ARHGAP18: variants seen among roughly 807,000 people sequenced by gnomAD.
The protein encoded by ARHGAP18 is rho GTPase-activating protein 18.
Under a neutral mutation model 86.2 loss-of-function variants are expected in ARHGAP18, and 67 were observed. The ratio of observed to expected loss-of-function variants is 0.78; its 90% CI spans 0.64 to 0.95. The LOEUF (loss-of-function observed/expected upper bound fraction) is 0.95. ARHGAP18 is among the 40% of genes least tolerant of loss of function. The pLI, the probability that ARHGAP18 is intolerant of heterozygous loss-of-function variation, is 0.00. For missense variants in ARHGAP18, 691 were observed against 780.4 expected (o/e 0.89, Z 1.37); for synonymous variants, 283 against 280.4 (o/e 1.01, Z -0.09).
At chr6:129,657,625 A>G (rs760243951) in intron 1 of ARHGAP18, among the ~76,000 whole-genome samples, 2 of 152,178 alleles carry the variant, frequency 1.3e-5, no homozygotes, top group African/African-American at 4.8e-5. Flanking sequence ...TCTCTGCAGA[A>G]GGAATTCATT....
chr6:129,608,885 CACA>C (rs2114458331), intron 8 of ARHGAP18, among the ~76,000 whole-genome samples: 1 of 152,030 alleles, frequency 6.6e-6, no homozygotes, highest in East Asian at 1.9e-4. Flanking sequence ...CTCTTCCTAA[CACA>C]ACAACCATTC....
chr6:129,611,720 T>A (rs965808018), intron 7 of ARHGAP18, 110 bp from the exon 8 acceptor site: 45 of 836,424 alleles, frequency 5.4e-5, no homozygotes, highest in Non-Finnish European at 7.7e-5. Context: ...ACATGTAAAC[T>A]GGATTTTATG....
At chr6:129,651,694 A>G (rs1205847630) in intron 1 of ARHGAP18, among the ~76,000 whole-genome samples, 5 of 152,188 alleles carry the variant, frequency 3.3e-5, no homozygotes, top group South Asian at 4.2e-4. Context: ...TTCCTTCTTC[A>G]GTAAGAATTT....
chr6:129,655,092 G>A (rs1271903663), intron 1 of ARHGAP18, among the ~76,000 whole-genome samples: 2 of 152,090 alleles, frequency 1.3e-5, no homozygotes, highest in Non-Finnish European at 2.9e-5. Flanking sequence ...AGGCCAAGGC[G>A]GGCAGATCAC....
At chr6:129,611,834 A>T (rs1307710467) in intron 7 of ARHGAP18, among the ~76,000 whole-genome samples, 2 of 152,236 alleles carry the variant, frequency 1.3e-5, no homozygotes, top group Admixed American at 6.5e-5. Context: ...TTTATAACAG[A>T]AGTGTGTAAT....
chr6:129,682,200 T>C (rs1419045333), intron 1 of ARHGAP18, among the ~76,000 whole-genome samples: 6 of 152,188 alleles, frequency 3.9e-5, no homozygotes, highest in African/African-American at 1.4e-4. Context: ...ACCCCCGGTT[T>C]TGGCTAAACC....
intron 6 of ARHGAP18, among the ~76,000 whole-genome samples, chr6:129,618,050 C>G (rs565268512): frequency 3.3e-4 from 48 of 147,614 alleles, no homozygotes; most frequent in African/African-American, 1.2e-3. Context: ...TATCTGTTCT[C>G]TATTATATCA....
chr6:129,594,895 A>G (rs1203952246), intron 12 of ARHGAP18, among the ~76,000 whole-genome samples: 3 of 152,182 alleles, frequency 2.0e-5, no homozygotes, highest in Non-Finnish European at 4.4e-5. Flanking sequence ...TCATTGTATT[A>G]CCACCCATAA....
chr6:129,582,061 G>A (rs1788300190), intron 13 of ARHGAP18, among the ~76,000 whole-genome samples: 1 of 152,002 alleles, frequency 6.6e-6, no homozygotes, highest in African/African-American at 2.4e-5. Flanking sequence ...CAAGCATAAG[G>A]AAAGGGGCTG....
intron 8 of ARHGAP18, among the ~76,000 whole-genome samples, chr6:129,610,815 G>C (rs540354317): frequency 3.4e-4 from 52 of 152,230 alleles, no homozygotes; most frequent in African/African-American, 1.3e-3. Flanking sequence ...TTTTAGTAGA[G>C]ACAGTGTTTC....
At chr6:129,586,946 T>G (rs971894420) in intron 12 of ARHGAP18, among the ~76,000 whole-genome samples, 1 of 151,968 alleles carries the variant, frequency 6.6e-6, no homozygotes, top group Non-Finnish European at 1.5e-5. Flanking sequence ...CTCCACAGAG[T>G]CAAAAGGAAT....
At chr6:129,704,656 G>A (rs990033469) in intron 1 of ARHGAP18, among the ~76,000 whole-genome samples, 11 of 151,944 alleles carry the variant, frequency 7.2e-5, no homozygotes, top group African/African-American at 2.2e-4. Context: ...TGCTCACCCC[G>A]TTCATTACTA....
intron 4 of ARHGAP18, among the ~76,000 whole-genome samples, chr6:129,633,821 T>C (rs1327783730): frequency 2.0e-5 from 3 of 152,168 alleles, no homozygotes; most frequent in South Asian, 2.1e-4. Flanking sequence ...CTCAGGAAGA[T>C]ACGTATACGC....
intron 5 of ARHGAP18, among the ~76,000 whole-genome samples, chr6:129,622,161 G>A (rs1789242843): frequency 6.6e-6 from 1 of 152,144 alleles, no homozygotes; most frequent in South Asian, 2.1e-4. Context: ...GGCGAGCATA[G>A]AATCAAACTC....
chr6:129,578,669 A>G (rs1788228485), intron 14 of ARHGAP18, 65 bp from the exon 15 acceptor site: 1 of 1,335,608 alleles, frequency 7.5e-7, no homozygotes, highest in South Asian at 1.3e-5. Flanking sequence ...TTTAAACTTA[A>G]GCTTAATTAT....
At chr6:129,676,481 C>G (rs1379260499) in intron 1 of ARHGAP18, among the ~76,000 whole-genome samples, 1 of 152,148 alleles carries the variant, frequency 6.6e-6, no homozygotes, top group Non-Finnish European at 1.5e-5. Flanking sequence ...TTTATGAGCC[C>G]TCACACCCCT....
chr6:129,625,566 T>C (rs1371569231), intron 5 of ARHGAP18, among the ~76,000 whole-genome samples: 8 of 76,606 alleles, frequency 1.0e-4, no homozygotes, highest in Non-Finnish European at 1.6e-4. Flanking sequence ...ATATATTATA[T>C]ATCATTATAC....
intron 2 of ARHGAP18, among the ~76,000 whole-genome samples, chr6:129,640,605 C>T (rs150807209): frequency 3.4e-4 from 51 of 152,050 alleles, no homozygotes; most frequent in African/African-American, 1.0e-3. Context: ...AAGAAAAAAC[C>T]CCAAGTCTTC....
chr6:129,683,112 C>T (rs749928973), intron 1 of ARHGAP18, among the ~76,000 whole-genome samples: 91 of 150,438 alleles, frequency 6.0e-4, no homozygotes, highest in Middle Eastern at 6.8e-3. Context: ...CGCTGTGTCA[C>T]CCAGGCTGGA....
Sources: gnomAD v4.1 joint callset for allele counts (sites outside exome capture counted in the v4.1 genomes callset) on GRCh38, gnomAD v4.1.1 for gene constraint, MANE v1.5 for transcripts, NCBI Gene and HGNC (gene_info 2026-07-23, HGNC 2026-07-21) for gene names.